The following SLC11A2 variants were observed in gnomAD, a reference collection of about 807,000 sequenced individuals.
SLC11A2 encodes the protein solute carrier family 11 member 2, also known as natural resistance-associated macrophage protein 2.
SLC11A2 carries 38 observed loss-of-function variants against 68.0 expected under a neutral mutation model. The ratio of observed to expected loss-of-function variants is 0.56; its 90% CI spans 0.43 to 0.73. SLC11A2 has a LOEUF of 0.73. SLC11A2 is among the 30% of genes least tolerant of loss of function. The pLI is 0.00. For missense variants in SLC11A2, 517 were observed against 690.5 expected, an observed-to-expected ratio of 0.75 and a Z score of 2.82; for synonymous variants, 242 against 250.6, an observed-to-expected ratio of 0.97 and a Z score of 0.32.
chr12:50,967,356 A>C, the SLC11A2 span, among the ~76,000 whole-genome samples: 1 of 152,140 alleles, frequency 6.6e-6, no homozygotes, highest in Non-Finnish European at 1.5e-5. Flanking sequence ...TATGTTGCCC[A>C]GGCAAGTCTC....
At chr12:50,954,157 T>A in the SLC11A2 span, 27 of 937,116 alleles carry the variant, frequency 2.9e-5, no homozygotes, top group Non-Finnish European at 4.4e-5. Flanking sequence ...ACCCAGTGCC[T>A]TTGCGGATTG....
chr12:50,989,829 G>T (rs1160833367), intron 15 of SLC11A2, among the ~76,000 whole-genome samples: 1 of 152,168 alleles, frequency 6.6e-6, no homozygotes, highest in Non-Finnish European at 1.5e-5. Flanking sequence ...GTGTTCTAGA[G>T]ATTAACAGCA....
intron 1 of SLC11A2, among the ~76,000 whole-genome samples, chr12:51,024,115 A>T (rs1944227498): frequency 6.6e-6 from 1 of 152,170 alleles, no homozygotes; most frequent in Non-Finnish European, 1.5e-5. Context: ...TTTTTTTCAT[A>T]AACTTAAAGT....
intron 1 of SLC11A2, among the ~76,000 whole-genome samples, chr12:51,013,442 C>G (rs900374290): frequency 2.0e-5 from 3 of 151,960 alleles, no homozygotes; most frequent in South Asian, 2.1e-4. Context: ...AGGCGCCCAC[C>G]ACCGAGCCCG....
chr12:50,971,312 ATGT>A, the SLC11A2 span, among the ~76,000 whole-genome samples: 2 of 152,226 alleles, frequency 1.3e-5, no homozygotes, highest in Non-Finnish European at 2.9e-5. Flanking sequence ...GAGAATGGTC[ATGT>A]TGTTATATAA....
intron 1 of SLC11A2, among the ~76,000 whole-genome samples, chr12:51,011,479 C>T (rs186475871): frequency 2.0e-5 from 3 of 151,936 alleles, no homozygotes; most frequent in Admixed American, 6.6e-5. Flanking sequence ...AGGCAAGTAT[C>T]CATTCTCTGC....
chr12:50,999,084 G>T, intron 8 of SLC11A2, 90 bp downstream of exon 8: 3 of 1,095,348 alleles, frequency 2.7e-6, no homozygotes, highest in Non-Finnish European at 4.1e-6. Flanking sequence ...AATCATACTA[G>T]CATTATTACT....
At chr12:50,991,571 C>T (rs2136186999) in intron 14 of SLC11A2, 28 bp downstream of exon 14, 3 of 1,593,868 alleles carry the variant, frequency 1.9e-6, no homozygotes, top group Non-Finnish European at 1.7e-6. Flanking sequence ...TCAGCATCCC[C>T]TTTGGGAACG....
chr12:51,000,012 A>C (rs1942062766), intron 6 of SLC11A2, among the ~76,000 whole-genome samples: 1 of 151,988 alleles, frequency 6.6e-6, no homozygotes, highest in South Asian at 2.1e-4. Context: ...TGTCTCAAAA[A>C]AATAAATAAA....
At chr12:51,005,590 T>C (rs547598975) in intron 3 of SLC11A2, 154 bp from the exon 4 acceptor site, 1 of 1,476,162 alleles carries the variant, frequency 6.8e-7, no homozygotes, top group African/African-American at 1.4e-5. Context: ...TTCACCTCCA[T>C]CTTACCCACT....
intron 10 of SLC11A2, among the ~76,000 whole-genome samples, chr12:50,995,374 GTC>G (rs1941605940): frequency 6.6e-6 from 1 of 152,168 alleles, no homozygotes; most frequent in African/African-American, 2.4e-5. Flanking sequence ...ACAAGACAAA[GTC>G]TGTCATCATC....
At chr12:51,007,707 C>G (rs1276072031) in intron 3 of SLC11A2, among the ~76,000 whole-genome samples, 1 of 151,926 alleles carries the variant, frequency 6.6e-6, no homozygotes, top group Non-Finnish European at 1.5e-5. Context: ...ATAGCATGAT[C>G]TTGGCTCACT....
downstream of SLC11A2, among the ~76,000 whole-genome samples, chr12:50,984,925 G>C (rs750654482): frequency 1.3e-5 from 2 of 152,162 alleles, no homozygotes; most frequent in Admixed American, 1.3e-4. Flanking sequence ...ACACAGGATA[G>C]TTTGGGAATG....
chr12:50,995,551 G>T (rs1363142605), intron 10 of SLC11A2, 78 bp downstream of exon 10: 3 of 1,349,876 alleles, frequency 2.2e-6, no homozygotes, highest in Non-Finnish European at 3.2e-6. Context: ...CTAGGATGAG[G>T]TATTTTCCTT....
the SLC11A2 span, among the ~76,000 whole-genome samples, chr12:50,959,212 C>T: frequency 3.3e-5 from 5 of 151,684 alleles, no homozygotes; most frequent in East Asian, 2.0e-4. Context: ...CTCTGCCTCC[C>T]GGGTTCAAGC....
intron 2 of SLC11A2, chr12:51,009,223 C>T: frequency 2.1e-6 from 3 of 1,422,302 alleles, no homozygotes; most frequent in Non-Finnish European, 2.7e-6. Context: ...TGCAGCAAAA[C>T]CACCAAGCAG....
chr12:50,995,925 C>T, intron 9 of SLC11A2, 138 bp from the exon 10 acceptor site: 1 of 745,544 alleles, frequency 1.3e-6, no homozygotes, highest in Non-Finnish European at 2.4e-6. Context: ...CAACACTCAC[C>T]TACATCCTAG....
At chr12:51,012,269 T>C (rs193281400) in intron 1 of SLC11A2, among the ~76,000 whole-genome samples, 1 of 152,186 alleles carries the variant, frequency 6.6e-6, no homozygotes, top group African/African-American at 2.4e-5. Flanking sequence ...TTAAGTTTAA[T>C]TGGGAGGGAG....
chr12:50,956,505 A>C, the SLC11A2 span, among the ~76,000 whole-genome samples: 2 of 152,232 alleles, frequency 1.3e-5, no homozygotes, highest in Non-Finnish European at 2.9e-5. Context: ...CAGGTAACTT[A>C]CAAAACATTT....
Sources: gnomAD v4.1 joint callset for allele counts (sites outside exome capture counted in the v4.1 genomes callset) on GRCh38, gnomAD v4.1.1 for gene constraint, MANE v1.5 for transcripts, NCBI Gene and HGNC (gene_info 2026-07-23, HGNC 2026-07-21) for gene names.